Variants in RBKS observed in about 807,000 individuals in gnomAD.
The protein encoded by RBKS is ribokinase.
RBKS carries 33 observed loss-of-function variants against 33.9 expected under a neutral mutation model. The ratio of observed to expected loss-of-function variants is 0.97; its 90% CI spans 0.74 to 1.30. The LOEUF is 1.30. RBKS is among the 50% of genes most tolerant of loss of function. RBKS has a pLI of 0.00. For missense variants in RBKS, 361 were observed against 392.6 expected, an observed-to-expected ratio of 0.92 and a Z score of 0.68; for synonymous variants, 125 against 143.0, an observed-to-expected ratio of 0.87 and a Z score of 0.90.
intron 7 of RBKS, among the ~76,000 whole-genome samples, chr2:27,783,798 T>C (rs376040404): frequency 1.9e-4 from 28 of 150,146 alleles, no homozygotes; most frequent in African/African-American, 5.6e-4. Context: ...TCCCAGCTAC[T>C]TGGGAGGCTG....
chr2:27,821,077 CA>C (rs1678196061), intron 7 of RBKS, among the ~76,000 whole-genome samples: 2 of 148,034 alleles, frequency 1.4e-5, no homozygotes. Flanking sequence ...TTAGTACTGT[CA>C]AATTTCCCCT....
intron 5 of RBKS, among the ~76,000 whole-genome samples, chr2:27,838,376 T>G (rs977498055): frequency 2.0e-5 from 3 of 152,164 alleles, no homozygotes; most frequent in Non-Finnish European, 2.9e-5. Context: ...ATATTTGAAA[T>G]TTTCCACAAT....
Position 27,782,704 on chromosome 2 carries a change from GC to G in RBKS, c.796-917del, listed in dbSNP as rs567250765. The G allele has an allele frequency of 2.4e-4, 98 of 405,548 alleles. 3 individuals are homozygous for G. Among genetic ancestry groups the G allele is most frequent in the South Asian group, 1.7e-3 (95 of 55,950 alleles). 25.1% of individuals were successfully genotyped at this position (405,548 alleles called of 1,614,324 possible). ...TGGTCACCTGGCTAAGGTAGTCTTT[GC>G]CAAGTTTCTCCACTGTAAAGTTACT... On this transcript the variant is annotated intron_variant, in intron 7 of 7. Coordinates refer to ENST00000302188, the MANE Select transcript of RBKS (RefSeq NM_022128.3).
chr2:27,867,001 G>A lies in RBKS; in HGVS notation c.90-8430C>T, dbSNP rs1160210479. On this transcript the variant is annotated intron_variant, in intron 1 of 7. Transcript: ENST00000302188. Reference sequence around the variant, plus strand: ...CACCTGTGGTCGCAGCTACTTGGGAGGCTGGGGCAGGAGGATTGCTTGTGC... The same window carrying A: ...CACCTGTGGTCGCAGCTACTTGGGAAGCTGGGGCAGGAGGATTGCTTGTGC... 7.2e-5 allele frequency among the ~76,000 whole-genome samples: 11 copies of A among 151,808 alleles called. No homozygotes were observed. The East Asian group carries it at 2.1e-3, about 29-fold the overall frequency.
chr2:27,885,322 C>T (rs758549338), intron 1 of RBKS, among the ~76,000 whole-genome samples: 4 of 152,172 alleles, frequency 2.6e-5, no homozygotes, highest in Non-Finnish European at 2.9e-5. Flanking sequence ...ATTTGCCTTC[C>T]CCTTCATGCT....
intron 7 of RBKS, among the ~76,000 whole-genome samples, chr2:27,817,311 T>C (rs1678112902): frequency 6.6e-6 from 1 of 152,244 alleles, no homozygotes; most frequent in African/African-American, 2.4e-5. Flanking sequence ...TAGCAGTTTA[T>C]AGTTTAGCTT....
chr2:27,843,266 A>C lies in RBKS; in HGVS notation c.350-35T>G, dbSNP rs749897618. Reference sequence around the variant, plus strand: ...AATTCCACCTATTATATTAAAACTAAACAAAGCCAAGCAAATGATATTCTG... The same window carrying C: ...AATTCCACCTATTATATTAAAACTACACAAAGCCAAGCAAATGATATTCTG... On this transcript the variant is annotated intron_variant, in intron 4 of 7. Transcript: ENST00000302188. 3 of 1,515,084 alleles carry C rather than the reference A, an allele frequency of 2.0e-6. No individual in the cohort carries two copies. The Admixed American group carries it at 5.6e-5, about 28-fold the overall frequency. The allele number at this position is 1,515,084 out of a possible 1,614,324, so 93.9% of individuals were successfully genotyped here.
chr2:27,860,208 TTAATG>T (rs1169245289), intron 1 of RBKS, among the ~76,000 whole-genome samples: 1 of 152,200 alleles, frequency 6.6e-6, no homozygotes, highest in Non-Finnish European at 1.5e-5. Context: ...AAAAATGGTT[TTAATG>T]TAATGTTATT....
At chr2:27,811,018 C>T (rs764120473) in intron 7 of RBKS, among the ~76,000 whole-genome samples, 7 of 152,220 alleles carry the variant, frequency 4.6e-5, no homozygotes, top group Admixed American at 6.5e-5. Flanking sequence ...CCACTTCATC[C>T]TTAACTCTCC....
Position 27,837,803 on chromosome 2 carries a change from C to G in RBKS, c.515-5026G>C, listed in dbSNP as rs1379287136. On this transcript the variant is annotated intron_variant, in intron 5 of 7. Coordinates refer to ENST00000302188, the MANE Select transcript of RBKS (RefSeq NM_022128.3). The surrounding 1 kb of genome is among the most constrained non-coding windows in gnomAD (Gnocchi z 4.0). ...GTACGCATGGACAGAAAGATGGGAA[C>G]AACAGACACTACAGAGTACTGGAGC... Among the ~76,000 whole-genome samples, 1 of 152,112 alleles carries G rather than the reference C, an allele frequency of 6.6e-6. No individual in the cohort carries two copies. The highest frequency in any genetic ancestry group is 1.5e-5 in the Non-Finnish European group (1 of 68,022).
intron 7 of RBKS, among the ~76,000 whole-genome samples, chr2:27,788,754 C>G (rs1365883099): frequency 6.6e-6 from 1 of 152,264 alleles, no homozygotes; most frequent in East Asian, 1.9e-4. Flanking sequence ...GTTATCAAAA[C>G]ATTTGCAACA....
At chr2:27,889,638 G>A (rs980916881) in intron 1 of RBKS, among the ~76,000 whole-genome samples, 9 of 152,142 alleles carry the variant, frequency 5.9e-5, no homozygotes, top group African/African-American at 2.2e-4. Flanking sequence ...GTTTTCAGAG[G>A]TTGTAAATAC....
intron 7 of RBKS, among the ~76,000 whole-genome samples, chr2:27,785,260 C>T (rs948607342): frequency 6.6e-6 from 1 of 152,032 alleles, no homozygotes; most frequent in Admixed American, 6.6e-5. Flanking sequence ...TCCAAAGATA[C>T]TATAAATAAA....
rs1242215396 is a variant in RBKS at position 27,890,161 on chromosome 2, C to T, written c.89+96G>A. ...ATACCCAAAGCTAGCACTGTCTATC[C>T]CTGGAGACCCAGCGCCCAAAAGCTC... On this transcript the variant is annotated intron_variant, in intron 1 of 7. Coordinates refer to ENST00000302188, the MANE Select transcript of RBKS (RefSeq NM_022128.3). The surrounding 1 kb of genome is among the most constrained non-coding windows in gnomAD (Gnocchi z 4.8). The T allele has an allele frequency of 1.5e-5, 17 of 1,152,322 alleles. No individual in the cohort carries two copies. The highest frequency in any genetic ancestry group is 5.2e-5 in the South Asian group (4 of 76,310). The allele number at this position is 1,152,322 out of a possible 1,614,324, so 71.4% of individuals were successfully genotyped here.
intron 7 of RBKS, among the ~76,000 whole-genome samples, chr2:27,822,206 AG>A (rs1678225439): frequency 1.3e-5 from 2 of 152,202 alleles, no homozygotes; most frequent in African/African-American, 4.8e-5. Flanking sequence ...ACTATGGCTA[AG>A]CAGGGAACAG....
chr2:27,808,687 G>A (rs1380328823), intron 7 of RBKS, among the ~76,000 whole-genome samples: 1 of 152,206 alleles, frequency 6.6e-6, no homozygotes, highest in African/African-American at 2.4e-5. Context: ...GTTTGTGATG[G>A]GCTCTGGGCT....
chr2:27,831,157 CTG>C (rs945969986), intron 6 of RBKS, among the ~76,000 whole-genome samples: 1 of 152,148 alleles, frequency 6.6e-6, no homozygotes, highest in African/African-American at 2.4e-5. Context: ...CATGCAAAAA[CTG>C]AGAGTGACAA....
intron 7 of RBKS, among the ~76,000 whole-genome samples, chr2:27,818,184 T>C (rs1218978509): frequency 6.6e-6 from 1 of 152,234 alleles, no homozygotes. Flanking sequence ...TATAGGGATG[T>C]ACTAGTAAGA....
chr2:27,794,807 A>G (rs1677635798), intron 7 of RBKS, among the ~76,000 whole-genome samples: 1 of 152,030 alleles, frequency 6.6e-6, no homozygotes, highest in Non-Finnish European at 1.5e-5. Context: ...TATTTTTAGT[A>G]GAGACAGGGT....
Sources: gnomAD v4.1 joint callset for allele counts (sites outside exome capture counted in the v4.1 genomes callset) on GRCh38, gnomAD v4.1.1 for gene constraint, Gnocchi (gnomAD v3.1) non-coding constraint, MANE v1.5 for transcripts, NCBI Gene and HGNC (gene_info 2026-07-23, HGNC 2026-07-21) for gene names.